ZNF362: variants seen among roughly 807,000 people sequenced by gnomAD.
The protein encoded by ZNF362 is zinc finger protein 362, also known as rotund homolog.
ZNF362 carries 11 observed loss-of-function variants against 42.9 expected under a neutral mutation model. That is an observed-to-expected ratio of 0.26 (90% CI 0.16 to 0.42). The LOEUF (loss-of-function observed/expected upper bound fraction) is 0.42. Among genes scored for constraint, ZNF362 ranks in the 20% least tolerant of loss-of-function variants. The probability of loss-of-function intolerance (pLI) is 1.00; values close to 1 mark genes in which losing one functional copy is unlikely to be tolerated. For synonymous variants in ZNF362, 255 were observed against 257.3 expected (o/e 0.99, Z 0.09); for missense variants, 362 against 576.2 (o/e 0.63, Z 3.81).
the ZNF362 span, among the ~76,000 whole-genome samples, chr1:33,229,876 A>G: frequency 6.6e-6 from 1 of 152,206 alleles, no homozygotes; most frequent in Non-Finnish European, 1.5e-5. Context: ...ACATTTAAAA[A>G]TTATTATTTT....
intron 1 of ZNF362, among the ~76,000 whole-genome samples, chr1:33,261,895 G>A (rs1645830155): frequency 2.0e-5 from 3 of 152,208 alleles, no homozygotes; most frequent in African/African-American, 4.8e-5. Flanking sequence ...GGGATCAAAG[G>A]CAGGGGAAAG....
At chr1:33,200,506 T>C in the ZNF362 span, among the ~76,000 whole-genome samples, 16 of 152,292 alleles carry the variant, frequency 1.1e-4, no homozygotes, top group African/African-American at 3.8e-4. Context: ...AAAGTATAGA[T>C]TTTCAGACTG....
At chr1:33,182,426 C>T in the ZNF362 span, among the ~76,000 whole-genome samples, 2 of 152,234 alleles carry the variant, frequency 1.3e-5, no homozygotes, top group African/African-American at 4.8e-5. Context: ...AGATAAAACT[C>T]TTGAAATGCC....
chr1:33,152,878 G>A, the ZNF362 span, among the ~76,000 whole-genome samples: 1 of 152,284 alleles, frequency 6.6e-6, no homozygotes, highest in South Asian at 2.1e-4. Context: ...TGGGGAGAAG[G>A]CAGGAGCAAG....
the ZNF362 span, among the ~76,000 whole-genome samples, chr1:33,140,869 T>G: frequency 6.6e-6 from 1 of 152,144 alleles, no homozygotes; most frequent in Admixed American, 6.5e-5. The surrounding 1 kb of genome is among the most constrained non-coding windows in gnomAD (Gnocchi z 4.0). Flanking sequence ...AACCCTCCTC[T>G]CTCCCCTTCT....
the ZNF362 span, chr1:33,159,870 C>T: frequency 4.3e-6 from 7 of 1,612,636 alleles, no homozygotes; most frequent in Admixed American, 6.7e-5. The surrounding 1 kb of genome is among the most constrained non-coding windows in gnomAD (Gnocchi z 4.2). Context: ...GCATGGCCTT[C>T]TGGCGTTCAC....
At chr1:33,138,597 G>A in the ZNF362 span, among the ~76,000 whole-genome samples, 136 of 145,716 alleles carry the variant, frequency 9.3e-4, no homozygotes, top group African/African-American at 3.4e-3. Flanking sequence ...GGGTGACAGA[G>A]CGAGATCCTG....
At chr1:33,188,406 A>G in the ZNF362 span, among the ~76,000 whole-genome samples, 1 of 152,194 alleles carries the variant, frequency 6.6e-6, no homozygotes, top group Admixed American at 6.5e-5. Flanking sequence ...CACTTTCTCC[A>G]TGGCCATGTT....
the ZNF362 span, chr1:33,176,431 C>T: frequency 4.3e-6 from 3 of 698,250 alleles, no homozygotes; most frequent in Non-Finnish European, 7.9e-6. Context: ...CAAGGCTGAT[C>T]CACTGCTGTC....
the ZNF362 span, among the ~76,000 whole-genome samples, chr1:33,220,960 G>T: frequency 6.6e-6 from 1 of 152,186 alleles, no homozygotes; most frequent in Non-Finnish European, 1.5e-5. Flanking sequence ...ATGTGGAAGG[G>T]TGTGGCCCAT....
the ZNF362 span, among the ~76,000 whole-genome samples, chr1:33,173,995 G>A: frequency 4.0e-5 from 6 of 151,740 alleles, no homozygotes; most frequent in African/African-American, 1.5e-4. Flanking sequence ...ATAAGCCACT[G>A]TGCTTAGCCT....
At chr1:33,234,592 C>T in the ZNF362 span, among the ~76,000 whole-genome samples, 4 of 152,112 alleles carry the variant, frequency 2.6e-5, no homozygotes, top group African/African-American at 9.7e-5. Flanking sequence ...TCAGAGAGAT[C>T]GGAAGGAGCA....
intron 1 of ZNF362, among the ~76,000 whole-genome samples, chr1:33,262,297 CTTTTTTTTT>C (rs55730909): frequency 2.1e-5 from 1 of 48,132 alleles, no homozygotes; most frequent in Non-Finnish European, 3.6e-5. Context: ...CTTTAGGATT[CTTTTTTTTT>C]TTTTTTTTTT....
At chr1:33,277,438 G>T (rs1360890286) in intron 4 of ZNF362, among the ~76,000 whole-genome samples, 1 of 152,218 alleles carries the variant, frequency 6.6e-6, no homozygotes, top group East Asian at 1.9e-4. Flanking sequence ...GGCCCTGTAG[G>T]CCACACAGTG....
chr1:33,146,565 G>A, the ZNF362 span: 1 of 160,000 alleles, frequency 6.3e-6, no homozygotes, highest in African/African-American at 2.4e-5. Context: ...TCAACTACCA[G>A]GTGCCTTCCA....
At chr1:33,222,034 G>A in the ZNF362 span, among the ~76,000 whole-genome samples, 1 of 152,160 alleles carries the variant, frequency 6.6e-6, no homozygotes, top group Non-Finnish European at 1.5e-5. Context: ...TGTGTGTTCT[G>A]AGGACAGTTA....
chr1:33,220,694 G>A, the ZNF362 span, among the ~76,000 whole-genome samples: 2 of 152,100 alleles, frequency 1.3e-5, no homozygotes, highest in Non-Finnish European at 2.9e-5. Flanking sequence ...CTATGACTTG[G>A]GTGAGTTCCT....
chr1:33,232,821 C>T, the ZNF362 span, among the ~76,000 whole-genome samples: 1 of 152,198 alleles, frequency 6.6e-6, no homozygotes, highest in Non-Finnish European at 1.5e-5. Flanking sequence ...GGGCACACGG[C>T]ACCACTCCTG....
chr1:33,206,990 G>A, the ZNF362 span, among the ~76,000 whole-genome samples: 1 of 152,132 alleles, frequency 6.6e-6, no homozygotes, highest in Non-Finnish European at 1.5e-5. Flanking sequence ...TAGGGTACAT[G>A]TGTACAACGT....
Sources: allele counts gnomAD v4.1 joint callset (sites outside exome capture counted in the v4.1 genomes callset), GRCh38; gene constraint gnomAD v4.1.1; non-coding constraint Gnocchi (gnomAD v3.1); transcripts MANE v1.5; gene names NCBI Gene and HGNC (gene_info 2026-07-23, HGNC 2026-07-21).